The following CYP20A1 variants were observed in gnomAD, a reference collection of about 807,000 sequenced individuals.
CYP20A1 encodes the protein cytochrome P450 family 20 subfamily A member 1.
In CYP20A1, 61 loss-of-function variants were observed where a neutral mutation model predicts 61.4. That is an observed-to-expected ratio of 0.99 (90% confidence interval 0.81 to 1.23). The LOEUF (loss-of-function observed/expected upper bound fraction) is 1.23. Ranked by LOEUF, CYP20A1 falls within the 50% of genes most tolerant of loss-of-function variation. CYP20A1 has a pLI of 0.00. For synonymous variants in CYP20A1, 193 were observed against 188.2 expected (o/e 1.03, Z -0.21); for missense variants, 530 against 542.4 (o/e 0.98, Z 0.23).
intron 1 of CYP20A1, among the ~76,000 whole-genome samples, chr2:203,244,255 G>T (rs1330592391): frequency 6.6e-6 from 1 of 151,952 alleles, no homozygotes; most frequent in African/African-American, 2.4e-5. Context: ...AGGCTGAAGT[G>T]CAGTGGTGCA....
chr2:203,291,148 G>A (rs533932521), intron 10 of CYP20A1, among the ~76,000 whole-genome samples: 125 of 151,922 alleles, frequency 8.2e-4, no homozygotes, highest in African/African-American at 2.7e-3. Flanking sequence ...TTGCAGCCTC[G>A]ACCTCCCAGG....
At chr2:203,256,948 T>C (rs1418988437) in intron 4 of CYP20A1, among the ~76,000 whole-genome samples, 1 of 152,174 alleles carries the variant, frequency 6.6e-6, no homozygotes, top group East Asian at 1.9e-4. Flanking sequence ...TAGTTAAATA[T>C]GCTTCCCTCC....
chr2:203,255,587 G>T (rs2066863552), intron 4 of CYP20A1, among the ~76,000 whole-genome samples: 3 of 152,168 alleles, frequency 2.0e-5, no homozygotes, highest in African/African-American at 7.2e-5. Context: ...GGACTGCACT[G>T]GATTCCATGA....
chr2:203,293,550 G>T (rs2068637894), intron 11 of CYP20A1, among the ~76,000 whole-genome samples: 1 of 140,454 alleles, frequency 7.1e-6, no homozygotes, highest in East Asian at 2.1e-4. Context: ...GTTCTTTATT[G>T]CTTCTCTTTT....
chr2:203,240,860 C>T (rs2066230831), intron 1 of CYP20A1, among the ~76,000 whole-genome samples: 1 of 152,102 alleles, frequency 6.6e-6, no homozygotes, highest in South Asian at 2.1e-4. Flanking sequence ...AGGATTTCAG[C>T]AGATGAATGC....
intron 4 of CYP20A1, among the ~76,000 whole-genome samples, chr2:203,254,851 C>T (rs1271944429): frequency 6.6e-6 from 1 of 151,666 alleles, no homozygotes; most frequent in African/African-American, 2.4e-5. Flanking sequence ...ATTAGCCGGG[C>T]GTGGTGGCAC....
Position 203,258,335 on chromosome 2 carries a change from C to T in CYP20A1, c.432+6226C>T, listed in dbSNP as rs2067000802. 1.3e-5 allele frequency among the ~76,000 whole-genome samples: 2 copies of T among 150,294 alleles called. 1 individual carries two copies. The highest frequency in any genetic ancestry group is 4.2e-4 in the South Asian group (2 of 4,766). ...AAGGGTATTGTGAGTGATAATTGTG[C>T]CTGTGAATAGCCCCTGCACTCCTGC... On this transcript the variant is annotated intron_variant, in intron 4 of 12. Coordinates refer to ENST00000356079, the MANE Select transcript of CYP20A1 (RefSeq NM_177538.3).
chr2:203,284,736 G>GTTT (rs2068194257), intron 8 of CYP20A1, among the ~76,000 whole-genome samples: 2 of 128,774 alleles, frequency 1.6e-5, no homozygotes, highest in African/African-American at 6.5e-5. Context: ...GAGAACCACT[G>GTTT]CTTTTTTTTT....
intron 4 of CYP20A1, among the ~76,000 whole-genome samples, chr2:203,256,195 G>A (rs190146873): frequency 1.5e-3 from 227 of 152,016 alleles, no homozygotes; most frequent in African/African-American, 5.2e-3. Flanking sequence ...TCTTGAACTC[G>A]TGGCCTCAAG....
chr2:203,254,033 C>T (rs963754874), intron 4 of CYP20A1, among the ~76,000 whole-genome samples: 17 of 151,860 alleles, frequency 1.1e-4, no homozygotes, highest in South Asian at 2.1e-4. Context: ...CTGCAACTTC[C>T]GCCTCCTGGG....
chr2:203,289,066 A>G (rs956958390), intron 9 of CYP20A1, among the ~76,000 whole-genome samples: 2 of 152,182 alleles, frequency 1.3e-5, no homozygotes, highest in African/African-American at 4.8e-5. Flanking sequence ...CACCAATTGG[A>G]TATGAGAATG....
At chr2:203,272,573 A>AATT in intron 5 of CYP20A1, 97 bp from the exon 6 acceptor site, 3 of 348,504 alleles carry the variant, frequency 8.6e-6, no homozygotes, top group Non-Finnish European at 1.6e-5. Flanking sequence ...AAAAAAAAAG[A>AATT]GTTAAAGAGT....
At chr2:203,250,140 A>G (rs1218040328) in intron 3 of CYP20A1, among the ~76,000 whole-genome samples, 1 of 152,198 alleles carries the variant, frequency 6.6e-6, no homozygotes, top group Non-Finnish European at 1.5e-5. Context: ...ATTGATCATC[A>G]CAGATGTGAG....
In CYP20A1 at chr2:203,303,027, G is replaced by T. The variant is rs2069083513; in HGVS notation, c.*6119G>T. ...ATTTATTTATTTATTTTGAGATGGA[G>T]TCTCGCTGTGTCACCCAGGCTGGAG... On this transcript the variant is annotated 3_prime_UTR_variant, in exon 13 of 13. Transcript: ENST00000356079. Among the ~76,000 whole-genome samples the T allele has an allele frequency of 6.7e-6, 1 of 149,758 alleles. No individual in the cohort carries two copies. The highest frequency in any genetic ancestry group is 1.5e-5 in the Non-Finnish European group (1 of 67,624).
intron 4 of CYP20A1, among the ~76,000 whole-genome samples, chr2:203,253,277 T>G (rs2066765740): frequency 6.6e-6 from 1 of 152,188 alleles, no homozygotes; most frequent in Admixed American, 6.5e-5. Context: ...TCTGTTGTGC[T>G]GCTGGGTAGG....
At chr2:203,290,412 T>C (rs1365924605) in intron 10 of CYP20A1, among the ~76,000 whole-genome samples, 1 of 152,218 alleles carries the variant, frequency 6.6e-6, no homozygotes, top group African/African-American at 2.4e-5. Context: ...TGTATTTTTA[T>C]AGACCTATTT....
At chr2:203,291,068 A>G (rs912689161) in intron 10 of CYP20A1, among the ~76,000 whole-genome samples, 1 of 152,008 alleles carries the variant, frequency 6.6e-6, no homozygotes, top group Non-Finnish European at 1.5e-5. Flanking sequence ...AAGTCCATGT[A>G]TATGTTCAGT....
At chr2:203,268,288 G>T (rs2067416449) in intron 5 of CYP20A1, among the ~76,000 whole-genome samples, 1 of 152,122 alleles carries the variant, frequency 6.6e-6, no homozygotes, top group Non-Finnish European at 1.5e-5. Context: ...TAATCTTGTG[G>T]ATTCTCAGTC....
intron 4 of CYP20A1, among the ~76,000 whole-genome samples, chr2:203,257,311 C>G (rs1268136851): frequency 6.9e-6 from 1 of 145,640 alleles, no homozygotes; most frequent in African/African-American, 2.5e-5. Flanking sequence ...CTGTGAGACA[C>G]TGTCTCAAAA....
Sources: allele counts gnomAD v4.1 joint callset (sites outside exome capture counted in the v4.1 genomes callset), GRCh38; gene constraint gnomAD v4.1.1; transcripts MANE v1.5; gene names NCBI Gene and HGNC (gene_info 2026-07-23, HGNC 2026-07-21).